CPNE4: variants seen among roughly 807,000 people sequenced by gnomAD.
The protein encoded by CPNE4 is copine 4, also known as copine-4.
A neutral mutation model predicts 67.9 loss-of-function variants in CPNE4; 25 were observed. The ratio of observed to expected loss-of-function variants is 0.37; its 90% CI spans 0.27 to 0.51. The LOEUF is 0.51. Among genes scored for constraint, CPNE4 ranks in the 20% least tolerant of loss-of-function variants. CPNE4 has a pLI of 0.93. For synonymous variants in CPNE4, 242 were observed against 244.9 expected, an observed-to-expected ratio of 0.99 and a Z score of 0.11; for missense variants, 464 against 690.8, an observed-to-expected ratio of 0.67 and a Z score of 3.68.
At chr3:131,954,077 G>A (rs1044977761) in intron 1 of CPNE4, among the ~76,000 whole-genome samples, 5 of 152,030 alleles carry the variant, frequency 3.3e-5, no homozygotes, top group Non-Finnish European at 7.4e-5. Flanking sequence ...ATGTAAAAGA[G>A]ATAATAAGTA....
chr3:131,787,906 G>C (rs1021372756), intron 2 of CPNE4, among the ~76,000 whole-genome samples: 3 of 152,048 alleles, frequency 2.0e-5, no homozygotes, highest in Non-Finnish European at 4.4e-5. Flanking sequence ...GGAGAGAATT[G>C]TCTAAGAACC....
intron 3 of CPNE4, among the ~76,000 whole-genome samples, chr3:131,718,140 G>A (rs181173704): frequency 1.6e-3 from 244 of 151,812 alleles, no homozygotes; most frequent in Non-Finnish European, 9.4e-4. Flanking sequence ...AATTACAGGC[G>A]CCTGCCACCA....
At chr3:131,581,461 T>G in intron 9 of CPNE4, 118 bp downstream of exon 9, 2 of 702,416 alleles carry the variant, frequency 2.8e-6, no homozygotes, top group East Asian at 2.7e-5. Context: ...GACTTTTTAA[T>G]TTTTATTTTA....
At chr3:131,877,004 C>CTT (rs796325632) in intron 2 of CPNE4, among the ~76,000 whole-genome samples, 1 of 146,808 alleles carries the variant, frequency 6.8e-6, no homozygotes. Flanking sequence ...AAATAATGTA[C>CTT]TTTTTTTTTT....
In CPNE4 at chr3:131,685,436, C is replaced by T. The variant is rs6789564; in HGVS notation, c.591+439G>A. ...AAAAAAAAAGCTAAAAATGGCAGAA[C>T]CTTCTTGAGGACACTGAAGATTTCA... On this transcript the variant is annotated intron_variant, in intron 6 of 15. Coordinates refer to ENST00000429747, the MANE Select transcript of CPNE4 (RefSeq NM_130808.3). Among the ~76,000 whole-genome samples, 27 of 150,998 alleles carry T rather than the reference C, an allele frequency of 1.8e-4. 1 individual carries two copies. Among genetic ancestry groups the T allele is most frequent in the Middle Eastern group, 3.4e-3 (1 of 292 alleles).
chr3:131,958,286 A>G (rs1435071718), intron 1 of CPNE4, among the ~76,000 whole-genome samples: 3 of 152,190 alleles, frequency 2.0e-5, no homozygotes, highest in Admixed American at 2.0e-4. Context: ...CCCTTAGTGG[A>G]GCCAGTGTTT....
At chr3:131,977,399 G>C (rs2072691156) in intron 1 of CPNE4, among the ~76,000 whole-genome samples, 1 of 152,052 alleles carries the variant, frequency 6.6e-6, no homozygotes, top group Admixed American at 6.5e-5. Context: ...TCTCCTTTCA[G>C]GGTTGTGAAA....
chr3:131,748,096 T>C (rs2082536407), intron 2 of CPNE4, among the ~76,000 whole-genome samples: 1 of 152,090 alleles, frequency 6.6e-6, no homozygotes, highest in African/African-American at 2.4e-5. Flanking sequence ...TTGGCATCAA[T>C]ATGATCATGT....
intron 6 of CPNE4, among the ~76,000 whole-genome samples, chr3:131,671,481 G>GTT (rs2080415568): frequency 1.3e-5 from 2 of 151,796 alleles, no homozygotes; most frequent in Admixed American, 1.3e-4. Context: ...GTGTGTGTGT[G>GTT]TGTGTGTACG....
chr3:131,605,639 C>T (rs756442278), intron 7 of CPNE4, among the ~76,000 whole-genome samples: 32 of 151,750 alleles, frequency 2.1e-4, no homozygotes, highest in African/African-American at 3.9e-4. Flanking sequence ...TGTTAAGTAG[C>T]GAATGAATGA....
rs113250335 is a variant in CPNE4 at position 131,795,400 on chromosome 3, T to G, written c.181-71775A>C. 4.0e-3 allele frequency among the ~76,000 whole-genome samples: 607 copies of G among 152,206 alleles called. 4 individuals are homozygous for G. The highest frequency in any genetic ancestry group is 0.014 in the African/African-American group (566 of 41,508). On this transcript the variant is annotated intron_variant, in intron 2 of 15. Transcript: ENST00000429747. ...CTCAGAGTAATCTTGAAAATTGAGT[T>G]CTCAGTCATGACAGTATGTGAGGTC...
intron 2 of CPNE4, among the ~76,000 whole-genome samples, chr3:131,797,620 G>GAC (rs1452302566): frequency 6.6e-6 from 1 of 152,148 alleles, no homozygotes; most frequent in Non-Finnish European, 1.5e-5. Context: ...AAACTTTACT[G>GAC]ACACTTTAAA....
chr3:131,897,315 T>C (rs2088376620), intron 2 of CPNE4, among the ~76,000 whole-genome samples: 1 of 152,092 alleles, frequency 6.6e-6, no homozygotes, highest in South Asian at 2.1e-4. Flanking sequence ...TTTTCTCACC[T>C]GTAGAGTGGG....
At chr3:131,576,170 G>A (rs1937543928) in intron 9 of CPNE4, among the ~76,000 whole-genome samples, 1 of 151,984 alleles carries the variant, frequency 6.6e-6, no homozygotes, top group Admixed American at 6.6e-5. Flanking sequence ...CAAAAAATCA[G>A]TGTTGGTCTC....
chr3:131,598,555 T>C (rs78325011), intron 7 of CPNE4, among the ~76,000 whole-genome samples: 323 of 152,316 alleles, frequency 2.1e-3, no homozygotes, highest in Non-Finnish European at 3.6e-3. Flanking sequence ...TTTTTATAGA[T>C]GATGATCCCG....
Position 131,669,145 on chromosome 3 carries a change from T to C in CPNE4, c.681+530A>G, listed in dbSNP as rs144459030. Among the ~76,000 whole-genome samples, 12 of 152,092 alleles carry C rather than the reference T, an allele frequency of 7.9e-5. No homozygotes were observed. The East Asian group carries it at 2.3e-3, about 29-fold the overall frequency. On this transcript the variant is annotated intron_variant, in intron 7 of 15. Transcript: ENST00000429747. Reference sequence around the variant, plus strand: ...GAGCCATATGGCCCCACCCCTTCTCTCATTCCAGACCACAGCCAGCCAACC... The same window carrying C: ...GAGCCATATGGCCCCACCCCTTCTCCCATTCCAGACCACAGCCAGCCAACC...
intron 2 of CPNE4, among the ~76,000 whole-genome samples, chr3:131,848,036 T>C (rs1423829998): frequency 6.6e-6 from 1 of 152,170 alleles, no homozygotes; most frequent in Admixed American, 6.6e-5. Context: ...TGTCAGATAG[T>C]ACCCCTCTTG....
At chr3:131,553,987 A>C (rs1001477725) in intron 12 of CPNE4, among the ~76,000 whole-genome samples, 2 of 152,086 alleles carry the variant, frequency 1.3e-5, no homozygotes, top group Non-Finnish European at 2.9e-5. Flanking sequence ...GAACAAGAGG[A>C]CTTCAGAAAA....
intron 2 of CPNE4, among the ~76,000 whole-genome samples, chr3:131,835,248 G>T (rs1158875929): frequency 2.0e-5 from 3 of 152,196 alleles, no homozygotes; most frequent in Non-Finnish European, 4.4e-5. Flanking sequence ...AGGCCCAGGG[G>T]CCAGGTGCGG....
Sources: gnomAD v4.1 joint callset for allele counts (sites outside exome capture counted in the v4.1 genomes callset) on GRCh38, gnomAD v4.1.1 for gene constraint, MANE v1.5 for transcripts, NCBI Gene and HGNC (gene_info 2026-07-23, HGNC 2026-07-21) for gene names.